The following IGF1R variants were observed in gnomAD, a reference collection of about 807,000 sequenced individuals.
The protein encoded by IGF1R is insulin like growth factor 1 receptor, also known as insulin-like growth factor 1 receptor.
In IGF1R, 44 loss-of-function variants were observed where a neutral mutation model predicts 144.6. The ratio of observed to expected loss-of-function variants is 0.30; its 90% CI spans 0.24 to 0.39. IGF1R has a LOEUF of 0.39. Ranked by LOEUF, IGF1R falls within the 10% of genes least tolerant of loss-of-function variation. The pLI, the probability that IGF1R is intolerant of heterozygous loss-of-function variation, is 1.00. For missense variants in IGF1R, 1,355 were observed against 1,833.7 expected, an observed-to-expected ratio of 0.74 and a Z score of 4.77; for synonymous variants, 795 against 722.8, an observed-to-expected ratio of 1.10 and a Z score of -1.60.
chr15:98,656,834 A>G (rs1261861696), intron 1 of IGF1R, among the ~76,000 whole-genome samples: 1 of 152,222 alleles, frequency 6.6e-6, no homozygotes, highest in Non-Finnish European at 1.5e-5. Flanking sequence ...TGCGAGTTTG[A>G]AATACATTGT....
chr15:98,659,799 A>G (rs1167748297), intron 1 of IGF1R, among the ~76,000 whole-genome samples: 1 of 152,202 alleles, frequency 6.6e-6, no homozygotes, highest in Non-Finnish European at 1.5e-5. Context: ...GGAAAAATAC[A>G]GCAAGATTTA....
At chr15:98,696,085 C>G (rs2053591151) in intron 1 of IGF1R, among the ~76,000 whole-genome samples, 1 of 147,916 alleles carries the variant, frequency 6.8e-6, no homozygotes, top group Non-Finnish European at 1.5e-5. Flanking sequence ...GAAATTATAT[C>G]CAATTAAATC....
At chr15:98,886,197 G>A (rs1035861329) in intron 2 of IGF1R, among the ~76,000 whole-genome samples, 1 of 152,132 alleles carries the variant, frequency 6.6e-6, no homozygotes, top group African/African-American at 2.4e-5. Flanking sequence ...AAAACAAATG[G>A]TTTTTTAAAA....
At chr15:98,654,720 G>A (rs1407693552) in intron 1 of IGF1R, among the ~76,000 whole-genome samples, 2 of 152,214 alleles carry the variant, frequency 1.3e-5, no homozygotes, top group Admixed American at 6.5e-5. Flanking sequence ...AGCCAGCTTA[G>A]GACAGGTGCT....
intron 20 of IGF1R, among the ~76,000 whole-genome samples, chr15:98,955,695 C>G (rs1307225791): frequency 6.6e-6 from 1 of 152,250 alleles, no homozygotes; most frequent in Non-Finnish European, 1.5e-5. Context: ...GAGCCCTTCT[C>G]TTGGCAGGCC....
intron 2 of IGF1R, among the ~76,000 whole-genome samples, chr15:98,764,458 T>C (rs1341199898): frequency 1.3e-5 from 2 of 152,192 alleles, no homozygotes; most frequent in African/African-American, 2.4e-5. Context: ...GTTGGTATAG[T>C]GTTTGCACCA....
chr15:98,762,330 T>A (rs73475648), intron 2 of IGF1R, among the ~76,000 whole-genome samples: 2,521 of 151,198 alleles, frequency 0.017, 68 homozygotes, highest in African/African-American at 0.058. Flanking sequence ...CTCAAACTCC[T>A]GGGCTCAAGT....
chr15:98,710,195 C>G lies in IGF1R; in HGVS notation c.640+2088C>G, dbSNP rs1355610850. On this transcript the variant is annotated intron_variant, in intron 2 of 20. Coordinates refer to ENST00000650285, the MANE Select transcript of IGF1R (RefSeq NM_000875.5). The stretch of plus-strand genomic sequence containing the variant: ...ACCTGTTGGTTGGTCACCTGCTTCC[C>G]CAAGGCCACGCCCTGCAGCCTTCTC... Among the ~76,000 whole-genome samples the G allele has an allele frequency of 2.0e-5, 3 of 152,138 alleles. No homozygotes were observed. In the East Asian group the frequency reaches 5.8e-4, roughly 29 times the overall value.
chr15:98,927,962 C>T (rs182632756), intron 13 of IGF1R, among the ~76,000 whole-genome samples: 6 of 152,282 alleles, frequency 3.9e-5, no homozygotes, highest in African/African-American at 9.6e-5. Flanking sequence ...TTGTTGCCCT[C>T]GAAAGGCCTC....
At chr15:98,923,789 T>TG (rs111457317) in intron 11 of IGF1R, 87 bp from the exon 12 acceptor site, 138 of 1,038,832 alleles carry the variant, frequency 1.3e-4, no homozygotes, top group African/African-American at 4.1e-4. Flanking sequence ...CCCGTGTGGA[T>TG]GGGGGGGTTA....
At chr15:98,746,519 G>A (rs2054870514) in intron 2 of IGF1R, among the ~76,000 whole-genome samples, 1 of 152,120 alleles carries the variant, frequency 6.6e-6, no homozygotes, top group South Asian at 2.1e-4. Context: ...TCTCAGATGA[G>A]TCATCCCGGC....
intron 2 of IGF1R, among the ~76,000 whole-genome samples, chr15:98,861,346 T>C (rs2012143604): frequency 6.6e-6 from 1 of 152,140 alleles, no homozygotes. Flanking sequence ...CCTCCTACTA[T>C]TAGCTCCGCC....
At chr15:98,867,788 TGTG>T (rs1176998602) in intron 2 of IGF1R, among the ~76,000 whole-genome samples, 4 of 152,254 alleles carry the variant, frequency 2.6e-5, no homozygotes, top group African/African-American at 7.2e-5. Flanking sequence ...CTATGTTTGA[TGTG>T]GTGCTAATTC....
At chr15:98,918,172 C>T (rs949918769) in intron 10 of IGF1R, among the ~76,000 whole-genome samples, 4 of 152,106 alleles carry the variant, frequency 2.6e-5, no homozygotes, top group African/African-American at 7.2e-5. Flanking sequence ...ATTTTGGAAA[C>T]GACCTCATGC....
chr15:98,780,576 G>A (rs200562024), intron 2 of IGF1R, among the ~76,000 whole-genome samples: 327 of 7,986 alleles, frequency 0.041, 42 homozygotes, highest in African/African-American at 0.053. Context: ...AAAAAAAAAA[G>A]AGAGAGAGAG....
intron 2 of IGF1R, among the ~76,000 whole-genome samples, chr15:98,806,054 G>C (rs574964031): frequency 6.6e-6 from 1 of 152,284 alleles, no homozygotes; most frequent in South Asian, 2.1e-4. Flanking sequence ...CAGGCCCCTT[G>C]CTTTCAGGTC....
intron 3 of IGF1R, among the ~76,000 whole-genome samples, chr15:98,894,756 T>A (rs2014096375): frequency 1.3e-5 from 2 of 152,080 alleles, no homozygotes; most frequent in South Asian, 4.1e-4. Flanking sequence ...TTACAAAGTT[T>A]GGCCAGTCAC....
chr15:98,665,104 T>C (rs990005068), intron 1 of IGF1R, among the ~76,000 whole-genome samples: 3 of 151,982 alleles, frequency 2.0e-5, no homozygotes, highest in Non-Finnish European at 4.4e-5. Flanking sequence ...ACTACAGGCG[T>C]CCGCTGCCAC....
chr15:98,829,439 A>G (rs1358030723), intron 2 of IGF1R, among the ~76,000 whole-genome samples: 2 of 152,100 alleles, frequency 1.3e-5, no homozygotes, highest in East Asian at 1.9e-4. Context: ...TGTAATTAAG[A>G]TGTTTGGGGG....
Sources: gnomAD v4.1 joint callset for allele counts (sites outside exome capture counted in the v4.1 genomes callset) on GRCh38, gnomAD v4.1.1 for gene constraint, MANE v1.5 for transcripts, NCBI Gene and HGNC (gene_info 2026-07-23, HGNC 2026-07-21) for gene names.